Variants in OTOGL observed in about 807,000 individuals in gnomAD.
OTOGL encodes otogelin like.
Under a neutral mutation model 318.5 loss-of-function variants are expected in OTOGL, and 285 were observed. That is an observed-to-expected ratio of 0.89 (90% CI 0.81 to 0.99). The LOEUF is 0.99. Among genes scored for constraint, OTOGL ranks in the 50% least tolerant of loss-of-function variants. The pLI, the probability that OTOGL is intolerant of heterozygous loss-of-function variation, is 0.00. For missense variants in OTOGL, 2,899 were observed against 2,845.6 expected (o/e 1.02, Z -0.43); for synonymous variants, 987 against 936.5 (o/e 1.05, Z -0.99).
chr12:80,239,300 A>G lies in OTOGL; in HGVS notation c.946-33A>G, dbSNP rs578115773. On this transcript the variant is annotated intron_variant, in intron 10 of 58. Coordinates refer to ENST00000547103, the MANE Select transcript of OTOGL (RefSeq NM_001378609.3). ...GAAGACTATACACATACCATGAAAC[A>G]TAGTCTAGTGACTGCCATCTTTTTT... 4.8e-6 allele frequency: 7 copies of G among 1,455,724 alleles called. No individual in the cohort carries two copies. In the East Asian group the frequency reaches 1.1e-4, roughly 24 times the overall value. The allele number at this position is 1,455,724 out of a possible 1,614,324, so 90.2% of individuals were successfully genotyped here.
intron 11 of OTOGL, among the ~76,000 whole-genome samples, chr12:80,242,481 A>T (rs760719436): frequency 6.6e-6 from 1 of 152,164 alleles, no homozygotes; most frequent in Non-Finnish European, 1.5e-5. Context: ...TATTTCATTC[A>T]GGGCTAGACC....
intron 1 of OTOGL, among the ~76,000 whole-genome samples, chr12:80,150,742 C>T (rs1313786739): frequency 6.6e-6 from 1 of 152,190 alleles, no homozygotes; most frequent in African/African-American, 2.4e-5. Context: ...GATGTATCCA[C>T]CCATAACTGT....
intron 44 of OTOGL, among the ~76,000 whole-genome samples, chr12:80,349,434 T>C (rs1686494039): frequency 6.6e-6 from 1 of 151,964 alleles, no homozygotes; most frequent in African/African-American, 2.4e-5. Flanking sequence ...ATGGATGAGC[T>C]TGGGGAGAGC....
At chr12:80,126,671 G>A (rs1209947501) in intron 1 of OTOGL, among the ~76,000 whole-genome samples, 1 of 152,176 alleles carries the variant, frequency 6.6e-6, no homozygotes, top group African/African-American at 2.4e-5. Flanking sequence ...TTGTGTGGGA[G>A]TCTAAGCCTC....
chr12:80,232,229 A>G (rs1267486402), intron 8 of OTOGL, among the ~76,000 whole-genome samples: 3 of 152,184 alleles, frequency 2.0e-5, no homozygotes, highest in Non-Finnish European at 4.4e-5. Context: ...AAAAATTTTG[A>G]GTATCACCTC....
intron 43 of OTOGL, among the ~76,000 whole-genome samples, chr12:80,339,621 T>C (rs1888642171): frequency 2.0e-5 from 3 of 152,040 alleles, no homozygotes; most frequent in African/African-American, 7.2e-5. Flanking sequence ...TAGATAATAG[T>C]GTTATCTCAA....
At chr12:80,310,780 A>G (rs1205627576) in intron 30 of OTOGL, 53 bp downstream of exon 30, 6 of 1,409,558 alleles carry the variant, frequency 4.3e-6, no homozygotes, top group Middle Eastern at 1.8e-4. Flanking sequence ...TACTGTGTCT[A>G]TAATACTGAG....
At chr12:80,149,930 C>A (rs1433910264) in intron 1 of OTOGL, among the ~76,000 whole-genome samples, 1 of 152,196 alleles carries the variant, frequency 6.6e-6, no homozygotes, top group East Asian at 1.9e-4. Context: ...GGTGCGCGCA[C>A]CCACTGACCT....
At chr12:80,102,091 A>G (rs1869173613) in intron 1 of OTOGL, among the ~76,000 whole-genome samples, 1 of 152,170 alleles carries the variant, frequency 6.6e-6, no homozygotes, top group Non-Finnish European at 1.5e-5. Flanking sequence ...AATCCACTCA[A>G]ACTCAATACA....
chr12:80,339,309 T>TTG (rs1187843643), intron 43 of OTOGL, 45 bp downstream of exon 43: 12 of 1,422,308 alleles, frequency 8.4e-6, no homozygotes, highest in Non-Finnish European at 1.0e-5. Flanking sequence ...TTTTTTTTTT[T>TTG]TTTTTTTTTT....
intron 8 of OTOGL, 26 bp from the exon 9 acceptor site, chr12:80,232,866 A>G: frequency 6.5e-7 from 1 of 1,538,230 alleles, no homozygotes; most frequent in Non-Finnish European, 8.9e-7. Flanking sequence ...CATCATTCTT[A>G]GATAGCTTTT....
intron 29 of OTOGL, 50 bp downstream of exon 29, chr12:80,305,745 T>G: frequency 7.5e-7 from 1 of 1,333,970 alleles, no homozygotes; most frequent in African/African-American, 1.5e-5. Context: ...TTTAAGAATA[T>G]TTTTTCACTA....
chr12:80,319,761 A>T (rs1234049716), intron 33 of OTOGL, among the ~76,000 whole-genome samples: 1 of 152,188 alleles, frequency 6.6e-6, no homozygotes, highest in Non-Finnish European at 1.5e-5. Flanking sequence ...CTTTTATTTC[A>T]TGAGTTTTAC....
At position 80,146,991 on chromosome 12, in the gene OTOGL, C is replaced by G. The variant is rs189236497; in HGVS notation, c.-20+47386C>G. On this transcript the variant is annotated intron_variant, in intron 1 of 58. Coordinates refer to ENST00000547103, the MANE Select transcript of OTOGL (RefSeq NM_001378609.3). ...TTGCTAGTTGTCTATTTTGTTGATC[C>G]TTTCAAAAAACCAGCTCCTGGATTC... 3.3e-3 allele frequency among the ~76,000 whole-genome samples: 496 copies of G among 151,766 alleles called. 2 individuals carry two copies. Among genetic ancestry groups the G allele is most frequent in the African/African-American group, 0.011 (464 of 41,384 alleles).
In OTOGL at chr12:80,222,120, A is replaced by T; in HGVS notation, c.364A>T (p.Ile122Phe). The T allele has an allele frequency of 2.5e-6, 4 of 1,598,694 alleles. No homozygotes were observed. In the South Asian group the frequency reaches 4.4e-5, roughly 18 times the overall value. Residue 122 changes from isoleucine (I) to phenylalanine (F), a missense_variant, in exon 7 of 59, where the codon ATT (isoleucine) becomes TTT (phenylalanine). Transcript: ENST00000547103. ...AAACATGGGCAACGGCAGAGATGGGATTTGTAAAACCTGGGGACAGTATCA... is the reference window on the plus strand; with the variant it reads ...AAACATGGGCAACGGCAGAGATGGGTTTTGTAAAACCTGGGGACAGTATCA... ...IPNMGNGRDG[I>F]CKTWGQYHFE...
intron 20 of OTOGL, chr12:80,266,219 G>A (rs1044595755): frequency 5.8e-5 from 29 of 498,728 alleles, no homozygotes; most frequent in Admixed American, 3.1e-4. Flanking sequence ...TACCATTTGC[G>A]AAGCTGAAAA....
chr12:80,316,748 A>T (rs1886998567), intron 32 of OTOGL, among the ~76,000 whole-genome samples: 8 of 152,188 alleles, frequency 5.3e-5, no homozygotes, highest in Admixed American at 5.2e-4. Flanking sequence ...GGGGAATATA[A>T]AACTGTGATG....
At chr12:80,259,739 C>T (rs1882372496) in intron 18 of OTOGL, among the ~76,000 whole-genome samples, 1 of 152,044 alleles carries the variant, frequency 6.6e-6, no homozygotes, top group Non-Finnish European at 1.5e-5. Flanking sequence ...TGCATAGTAC[C>T]ACATTTTCTT....
At chr12:80,363,698 A>G (rs900352707) in intron 52 of OTOGL, among the ~76,000 whole-genome samples, 2 of 152,178 alleles carry the variant, frequency 1.3e-5, no homozygotes, top group Non-Finnish European at 2.9e-5. Context: ...ACTTGTAACC[A>G]GCCTCATTCA....
Sources: gnomAD v4.1 joint callset for allele counts (sites outside exome capture counted in the v4.1 genomes callset) on GRCh38, gnomAD v4.1.1 for gene constraint, MANE v1.5 for transcripts, NCBI Gene and HGNC (gene_info 2026-07-23, HGNC 2026-07-21) for gene names.